The following NOP9 variants were observed in gnomAD, a reference collection of about 807,000 sequenced individuals.
NOP9 encodes NOP9 nucleolar protein.
NOP9 carries 50 observed loss-of-function variants against 63.0 expected under a neutral mutation model. That is an observed-to-expected ratio of 0.79 (90% CI 0.63 to 1.00). The LOEUF (loss-of-function observed/expected upper bound fraction) is 1.00. Ranked by LOEUF, NOP9 falls within the 50% of genes least tolerant of loss-of-function variation. The probability of loss-of-function intolerance (pLI) is 0.00; values close to 1 mark genes in which losing one functional copy is unlikely to be tolerated. For synonymous variants in NOP9, 343 were observed against 332.8 expected, an observed-to-expected ratio of 1.03 and a Z score of -0.33; for missense variants, 758 against 803.0, an observed-to-expected ratio of 0.94 and a Z score of 0.68.
the NOP9 span, chr14:24,294,742 T>G: frequency 0.94 from 143,796 of 152,278 alleles, 67,960 homozygotes; most frequent in Non-Finnish European, 0.96. Context: ...AATGCGAAAG[T>G]CAAAGATGAT....
the NOP9 span, among the ~76,000 whole-genome samples, chr14:24,294,838 T>TTATA: frequency 2.0e-5 from 3 of 152,150 alleles, no homozygotes; most frequent in Non-Finnish European, 1.5e-5. Context: ...TAAAACCCCT[T>TTATA]TATATATTTT....
chr14:24,297,890 C>T (rs1464095613), upstream of NOP9, among the ~76,000 whole-genome samples: 2 of 152,220 alleles, frequency 1.3e-5, no homozygotes, highest in Non-Finnish European at 2.9e-5. Flanking sequence ...CTTTCCCAAA[C>T]CACTTTCCCT....
rs1360166551 is a variant in NOP9 at position 24,300,706 on chromosome 14, G to T, written c.546G>T (p.Leu182=). Residue 182 remains leucine (L), a synonymous_variant, in exon 2 of 10, where the codon CTG becomes CTT. Coordinates refer to ENST00000267425, the MANE Select transcript of NOP9 (RefSeq NM_174913.3). ...GTCCCACGGAGACCCTGGAGGAGCT[G>T]GTCCTGGGACTAGCCGCTGAGGTGT... The part of the protein sequence containing the change: ...KDGPTETLEE[L]VLGLAAEVCD... The T allele has an allele frequency of 2.5e-6, 4 of 1,614,170 alleles. No individual in the cohort carries two copies. Among genetic ancestry groups the T allele is most frequent in the Non-Finnish European group, 2.5e-6 (3 of 1,180,030 alleles).
At chr14:24,279,508 C>T in the NOP9 span, among the ~76,000 whole-genome samples, 1 of 152,164 alleles carries the variant, frequency 6.6e-6, no homozygotes, top group East Asian at 1.9e-4. Flanking sequence ...AGAAGGGCCC[C>T]AGAGGGAAAG....
chr14:24,307,825 A>G lies in NOP9; in HGVS notation c.*2730A>G, dbSNP rs761940963. Reference sequence around the variant, plus strand: ...CGGAGGGTTAGCAGTCACCTGAGTAAGTCACTGGGGTTCAGAGCTGAGAGG... The same window carrying G: ...CGGAGGGTTAGCAGTCACCTGAGTAGGTCACTGGGGTTCAGAGCTGAGAGG... On this transcript the variant is annotated 3_prime_UTR_variant, in exon 10 of 10. Transcript: ENST00000267425. 6.3e-7 allele frequency: 1 copy of G among 1,595,660 alleles called. No individual in the cohort carries two copies. Among genetic ancestry groups the G allele is most frequent in the Non-Finnish European group, 8.5e-7 (1 of 1,170,760 alleles).
the NOP9 span, chr14:24,290,703 G>GC: frequency 1.2e-6 from 1 of 865,500 alleles, no homozygotes; most frequent in Non-Finnish European, 1.8e-6. Flanking sequence ...AAGGGACCTA[G>GC]GCGCACCCCA....
chr14:24,282,564 T>C, the NOP9 span, among the ~76,000 whole-genome samples: 2 of 152,204 alleles, frequency 1.3e-5, no homozygotes, highest in South Asian at 4.1e-4. Context: ...CTAGGGATGC[T>C]CAGGCTGTGT....
upstream of NOP9, chr14:24,299,105 A>T: frequency 1.2e-6 from 2 of 1,612,260 alleles, no homozygotes; most frequent in Admixed American, 3.3e-5. Flanking sequence ...GGGAGCTGCC[A>T]TGACTCACAG....
chr14:24,272,624 T>A, the NOP9 span, among the ~76,000 whole-genome samples: 1 of 152,260 alleles, frequency 6.6e-6, no homozygotes, highest in Non-Finnish European at 1.5e-5. Flanking sequence ...ACGTCATATC[T>A]GTGCCTAAAA....
rs117950690 is a variant in NOP9, at chr14:24,301,342, G to A, written c.698-270G>A. Among the ~76,000 whole-genome samples, 19 of 152,296 alleles carry A rather than the reference G, an allele frequency of 1.2e-4. No homozygotes were observed. The East Asian group carries it at 3.5e-3, about 28-fold the overall frequency. Reference sequence around the variant, plus strand: ...TGAAAAACTAGGAAATAAAGTTAGCGAGTTTAAATGAGGCTTTATTTTGGA... The same window carrying A: ...TGAAAAACTAGGAAATAAAGTTAGCAAGTTTAAATGAGGCTTTATTTTGGA... On this transcript the variant is annotated intron_variant, in intron 2 of 9. Coordinates refer to ENST00000267425, the MANE Select transcript of NOP9 (RefSeq NM_174913.3).
chr14:24,304,621 G>A (rs375300851), intron 9 of NOP9, 23 bp downstream of exon 9: 118 of 1,527,070 alleles, frequency 7.7e-5, no homozygotes, highest in Non-Finnish European at 9.0e-5. Context: ...CCCTCTCTTT[G>A]ATGTTTCCAG....
chr14:24,273,295 C>T, the NOP9 span, among the ~76,000 whole-genome samples: 1 of 151,928 alleles, frequency 6.6e-6, no homozygotes, highest in Non-Finnish European at 1.5e-5. Context: ...TCTCCTGCCT[C>T]AGCCTCTGGA....
intron 8 of NOP9, 63 bp from the exon 9 acceptor site, chr14:24,304,430 C>G: frequency 6.9e-7 from 1 of 1,457,740 alleles, no homozygotes; most frequent in Admixed American, 2.0e-5. Flanking sequence ...TCACTCTCCA[C>G]AAGCCTCCAA....
chr14:24,301,367 A>G (rs1332962971), intron 2 of NOP9, among the ~76,000 whole-genome samples: 1 of 152,190 alleles, frequency 6.6e-6, no homozygotes, highest in Admixed American at 6.5e-5. Context: ...TTTATTTTGG[A>G]ATGGCTTGAA....
the NOP9 span, among the ~76,000 whole-genome samples, chr14:24,284,094 G>C: frequency 6.6e-6 from 1 of 152,162 alleles, no homozygotes; most frequent in Non-Finnish European, 1.5e-5. Flanking sequence ...CTGCAGGCAG[G>C]AGCTGAGACA....
chr14:24,302,474 G>T, intron 5 of NOP9, 50 bp downstream of exon 5: 1 of 1,534,934 alleles, frequency 6.5e-7, no homozygotes, highest in South Asian at 1.2e-5. Context: ...CTTGATCACT[G>T]GACCTTATTT....
intron 2 of NOP9, 50 bp downstream of exon 2, chr14:24,300,907 A>G: frequency 6.9e-7 from 1 of 1,454,958 alleles, no homozygotes; most frequent in Non-Finnish European, 9.4e-7. Context: ...GAATTTAGAA[A>G]GTTCAGAATG....
Position 24,303,837 on chromosome 14 carries a change from G to T in NOP9, c.1390G>T (p.Ala464Ser). ...VYYGLTEEEG[A>S]VPAEHQVAMA... Reference sequence around the variant, plus strand: ...CTATGGACTGACGGAGGAGGAGGGGGCAGTGCCTGCAGAGCACCAGGTGAG... The same window carrying T: ...CTATGGACTGACGGAGGAGGAGGGGTCAGTGCCTGCAGAGCACCAGGTGAG... Residue 464 changes from alanine (A) to serine (S), a missense_variant, in exon 7 of 10, where the codon GCA becomes TCA. By Grantham distance (99) the Ala-to-Ser change is moderately conservative (BLOSUM62 1). Transcript: ENST00000267425. 1 of 1,614,130 alleles carries T rather than the reference G, an allele frequency of 6.2e-7. No individual in the cohort carries two copies. The highest frequency in any genetic ancestry group is 8.5e-7 in the Non-Finnish European group (1 of 1,179,982).
chr14:24,283,049 T>G, the NOP9 span, among the ~76,000 whole-genome samples: 4 of 152,200 alleles, frequency 2.6e-5, no homozygotes, highest in Admixed American at 2.6e-4. Flanking sequence ...ACCTCTGAAC[T>G]AAGAGACTTG....
Sources: gnomAD v4.1 joint callset for allele counts (sites outside exome capture counted in the v4.1 genomes callset) on GRCh38, gnomAD v4.1.1 for gene constraint, MANE v1.5 for transcripts, NCBI Gene and HGNC (gene_info 2026-07-23, HGNC 2026-07-21) for gene names.